The following ENPEP variants were observed in gnomAD, a reference collection of about 807,000 sequenced individuals.
ENPEP encodes AP-A.
In ENPEP, 103 loss-of-function variants were observed where a neutral mutation model predicts 114.5. That is an observed-to-expected ratio of 0.90 (90% CI 0.77 to 1.06). ENPEP has a LOEUF of 1.06. ENPEP is among the 50% of genes least tolerant of loss of function. ENPEP has a pLI of 0.00. For missense variants in ENPEP, 1,196 were observed against 1,161.3 expected (o/e 1.03, Z -0.43); for synonymous variants, 420 against 422.0 (o/e 1.00, Z 0.06).
rs745839591 is a variant in ENPEP, at chr4:110,488,683, G to T, written c.786+1G>T. 1.5e-5 allele frequency: 24 copies of T among 1,606,432 alleles called. No individual in the cohort carries two copies. In the Admixed American group the frequency reaches 3.6e-4, roughly 24 times the overall value. On this transcript the variant is annotated splice_donor_variant, in intron 2 of 19. Coordinates refer to ENST00000265162, the MANE Select transcript of ENPEP (RefSeq NM_001977.4). LOFTEE classifies it high-confidence loss of function. ...AGCACTTTCAAATATGCCAGTGGCG[G>T]TAAGTATTTTTTAAATGTTTTGTTT...
At chr4:110,486,508 A>G (rs2110334756) in intron 1 of ENPEP, among the ~76,000 whole-genome samples, 1 of 152,220 alleles carries the variant, frequency 6.6e-6, no homozygotes, top group Non-Finnish European at 1.5e-5. Flanking sequence ...TTCTACTTGA[A>G]CATGTTTCCC....
At chr4:110,531,320 A>T (rs931349158) in intron 11 of ENPEP, 43 bp downstream of exon 11, 2 of 1,329,934 alleles carry the variant, frequency 1.5e-6, no homozygotes, top group Non-Finnish European at 2.0e-6. Context: ...GAATTGATGT[A>T]CCACATTAAA....
At chr4:110,497,149 A>G (rs1345502673) in intron 3 of ENPEP, among the ~76,000 whole-genome samples, 3 of 152,230 alleles carry the variant, frequency 2.0e-5, no homozygotes, top group Non-Finnish European at 2.9e-5. Context: ...GATGTCCACA[A>G]CAACTGTTAT....
In ENPEP at chr4:110,476,324, G is replaced by A; in HGVS notation, c.-91G>A. ...GCGAAAACAGGCTGCCAAATCAGGG[G>A]ATTCCTTCCAATTTAAAAAGGAAGT... On this transcript the variant is annotated 5_prime_UTR_variant, in exon 1 of 20. Coordinates refer to ENST00000265162, the MANE Select transcript of ENPEP (RefSeq NM_001977.4). 3.4e-6 allele frequency: 5 copies of A among 1,463,710 alleles called. No individual in the cohort carries two copies. Among genetic ancestry groups the A allele is most frequent in the Non-Finnish European group, 3.7e-6 (4 of 1,095,026 alleles). 90.7% of individuals were successfully genotyped at this position (1,463,710 alleles called of 1,614,324 possible). A position where few individuals can be genotyped will look rare whatever the true frequency, so the allele number is the denominator to read the frequency against.
intron 3 of ENPEP, among the ~76,000 whole-genome samples, chr4:110,505,620 C>T (rs1409474351): frequency 6.6e-6 from 1 of 152,104 alleles, no homozygotes; most frequent in Non-Finnish European, 1.5e-5. Context: ...TTCTTTTTTT[C>T]TTGTTTAAAT....
At position 110,561,747 on chromosome 4, in the gene ENPEP, AG is replaced by A. The variant is rs1727687215; in HGVS notation, c.*190del. 3.8e-6 allele frequency: 2 copies of A among 527,860 alleles called. No homozygotes were observed. The highest frequency in any genetic ancestry group is 6.6e-6 in the Non-Finnish European group (2 of 304,756). The allele number at this position is 527,860 out of a possible 1,614,324, so 32.7% of individuals were successfully genotyped here. Reference sequence around the variant, plus strand: ...TGTTTATGAAGAAAGATACTAATAGAGTACTTAATATACTCAGGGATTCCTT... The same window carrying A: ...TGTTTATGAAGAAAGATACTAATAGATACTTAATATACTCAGGGATTCCTT... On this transcript the variant is annotated 3_prime_UTR_variant, in exon 20 of 20. Coordinates refer to ENST00000265162, the MANE Select transcript of ENPEP (RefSeq NM_001977.4).
At chr4:110,484,230 C>T (rs190692031) in intron 1 of ENPEP, among the ~76,000 whole-genome samples, 35 of 152,252 alleles carry the variant, frequency 2.3e-4, no homozygotes, top group African/African-American at 7.5e-4. Flanking sequence ...TACGCCTTCT[C>T]ACTTCCCCAT....
intron 13 of ENPEP, among the ~76,000 whole-genome samples, chr4:110,546,760 A>G (rs1190843578): frequency 2.0e-5 from 3 of 152,092 alleles, no homozygotes; most frequent in Non-Finnish European, 2.9e-5. Flanking sequence ...GACTTCCCTT[A>G]AAGGAAGTGA....
intron 14 of ENPEP, 43 bp downstream of exon 14, chr4:110,548,369 C>T (rs368908917): frequency 9.0e-6 from 13 of 1,439,974 alleles, no homozygotes; most frequent in Non-Finnish European, 1.2e-5. Context: ...AAATGTTTAG[C>T]CATTAGTAGA....
At chr4:110,533,201 A>C in intron 11 of ENPEP, 2 of 328,420 alleles carry the variant, frequency 6.1e-6, no homozygotes, top group Non-Finnish European at 1.3e-5. Flanking sequence ...CATGGAATGA[A>C]GTTTCCATAC....
intron 8 of ENPEP, among the ~76,000 whole-genome samples, chr4:110,516,793 C>G (rs1014213899): frequency 6.6e-6 from 1 of 152,066 alleles, no homozygotes; most frequent in African/African-American, 2.4e-5. Context: ...TATTTTAACC[C>G]TTTGTCTATT....
intron 2 of ENPEP, among the ~76,000 whole-genome samples, chr4:110,489,715 T>C (rs547093714): frequency 6.6e-6 from 1 of 152,334 alleles, no homozygotes; most frequent in African/African-American, 2.4e-5. Flanking sequence ...ACCTAGAGTT[T>C]CATTGCCTCA....
intron 10 of ENPEP, 60 bp from the exon 11 acceptor site, chr4:110,531,138 C>T: frequency 9.4e-7 from 1 of 1,060,910 alleles, no homozygotes; most frequent in Non-Finnish European, 1.3e-6. Context: ...GTGATTTTTA[C>T]TCTTGAAATT....
At chr4:110,490,149 T>C (rs941534583) in intron 2 of ENPEP, among the ~76,000 whole-genome samples, 37 of 152,248 alleles carry the variant, frequency 2.4e-4, no homozygotes, top group African/African-American at 8.7e-4. Context: ...GAGTTACACT[T>C]TACCTTCTAC....
At chr4:110,510,056 ATAAAC>A (rs1279044267) in intron 5 of ENPEP, among the ~76,000 whole-genome samples, 184 bp from the exon 6 acceptor site, 1 of 152,254 alleles carries the variant, frequency 6.6e-6, no homozygotes, top group Non-Finnish European at 1.5e-5. Context: ...AATAAAGGCA[ATAAAC>A]TAAAGACAAT....
At chr4:110,558,399 C>T (rs190515064) in intron 18 of ENPEP, among the ~76,000 whole-genome samples, 11 of 151,508 alleles carry the variant, frequency 7.3e-5, no homozygotes, top group East Asian at 1.9e-4. Flanking sequence ...GCGATCCTCC[C>T]GCCTCAGCCC....
rs1229159480 is a variant in ENPEP at position 110,525,908 on chromosome 4, G to A, written c.1728-5290G>A. On this transcript the variant is annotated intron_variant, in intron 10 of 19. Transcript: ENST00000265162. ...GAGTAGGGCAGGGAGGGTCACAGAAGGCTTTCTTTTCCAGGGATGTGATAT... is the reference window on the plus strand; with the variant it reads ...GAGTAGGGCAGGGAGGGTCACAGAAAGCTTTCTTTTCCAGGGATGTGATAT... 2.0e-5 allele frequency among the ~76,000 whole-genome samples: 3 copies of A among 152,128 alleles called. No homozygotes were observed. The East Asian group carries it at 5.8e-4, about 29-fold the overall frequency.
chr4:110,531,572 T>G (rs1726407927), intron 11 of ENPEP, among the ~76,000 whole-genome samples: 1 of 152,138 alleles, frequency 6.6e-6, no homozygotes, highest in African/African-American at 2.4e-5. Flanking sequence ...CCTTCCTTCC[T>G]TCCTTCCTTT....
chr4:110,533,775 CCTAT>C (rs1726502614), intron 11 of ENPEP, among the ~76,000 whole-genome samples: 1 of 152,122 alleles, frequency 6.6e-6, no homozygotes, highest in South Asian at 2.1e-4. Context: ...TAACTATTGA[CCTAT>C]CTATGTCTCC....
Sources: gnomAD v4.1 joint callset for allele counts (sites outside exome capture counted in the v4.1 genomes callset) on GRCh38, gnomAD v4.1.1 for gene constraint, MANE v1.5 for transcripts, NCBI Gene and HGNC (gene_info 2026-07-23, HGNC 2026-07-21) for gene names.